Variants in COL5A2 observed in about 807,000 individuals in gnomAD.
The protein encoded by COL5A2 is collagen alpha-2(V) chain.
In COL5A2, 23 loss-of-function variants were observed where a neutral mutation model predicts 208.2. That is an observed-to-expected ratio of 0.11 (90% CI 0.08 to 0.16). The LOEUF is 0.16. Among genes scored for constraint, COL5A2 ranks in the 10% least tolerant of loss-of-function variants. COL5A2 has a pLI of 1.00. For missense variants in COL5A2, 1,590 were observed against 1,956.4 expected, an observed-to-expected ratio of 0.81 and a Z score of 3.53; for synonymous variants, 625 against 628.5, an observed-to-expected ratio of 0.99 and a Z score of 0.08.
chr2:189,251,297 A>G, the COL5A2 span, among the ~76,000 whole-genome samples: 1 of 152,152 alleles, frequency 6.6e-6, no homozygotes, highest in African/African-American at 2.4e-5. Context: ...TGGGGGAGGA[A>G]ATGATATTCT....
chr2:189,220,344 C>G (rs1299910901), intron 1 of COL5A2, among the ~76,000 whole-genome samples: 3 of 152,126 alleles, frequency 2.0e-5, no homozygotes, highest in Non-Finnish European at 4.4e-5. Flanking sequence ...GAAAGTCTGT[C>G]ATTTTCCAAA....
chr2:189,208,334 G>T (rs1040901648), intron 1 of COL5A2, among the ~76,000 whole-genome samples: 1 of 152,178 alleles, frequency 6.6e-6, no homozygotes, highest in African/African-American at 2.4e-5. Flanking sequence ...ATACACACTT[G>T]ATTTGAATGA....
upstream of COL5A2, among the ~76,000 whole-genome samples, chr2:189,227,873 T>C (rs1003593669): frequency 1.1e-4 from 17 of 152,066 alleles, no homozygotes; most frequent in African/African-American, 4.1e-4. Context: ...ATACAGGACA[T>C]TTCAAGCAAC....
In COL5A2 at chr2:189,206,056, C is replaced by T. The variant is rs190257202; in HGVS notation, c.-42+19092G>A. Among the ~76,000 whole-genome samples the T allele has an allele frequency of 2.3e-3, 350 of 152,142 alleles. 1 individual carries two copies. Among genetic ancestry groups the T allele is most frequent in the Non-Finnish European group, 4.0e-3 (271 of 68,008 alleles). On this transcript the variant is annotated intron_variant, in intron 1 of 10. Transcript: ENST00000649966. ...ACTAGGTGTGTATATCACATAACAG[C>T]CCAGGAGTAAAGGAGCTAAGTAGGG...
chr2:189,054,030 G>C (rs1685848137), intron 36 of COL5A2, 82 bp from the exon 37 acceptor site: 1 of 1,452,074 alleles, frequency 6.9e-7, no homozygotes, highest in Non-Finnish European at 9.7e-7. Flanking sequence ...TGTAGGAGGA[G>C]ATAGTGGAAA....
chr2:189,327,107 T>A, the COL5A2 span, among the ~76,000 whole-genome samples: 1 of 150,942 alleles, frequency 6.6e-6, no homozygotes, highest in Non-Finnish European at 1.5e-5. Context: ...AAATAAAAAA[T>A]AATGAAAAAA....
the COL5A2 span, among the ~76,000 whole-genome samples, chr2:189,308,367 T>C: frequency 6.6e-6 from 1 of 152,126 alleles, no homozygotes; most frequent in Non-Finnish European, 1.5e-5. Context: ...AAATCCAGCC[T>C]GACTCTCTAA....
At chr2:189,042,662 G>T in intron 49 of COL5A2, 58 bp downstream of exon 49, 1 of 1,491,704 alleles carries the variant, frequency 6.7e-7, no homozygotes, top group Non-Finnish European at 9.3e-7. Context: ...AGCATTAGCA[G>T]TACATCAACA....
At chr2:189,092,450 C>A (rs1233235414) in intron 6 of COL5A2, 30 bp from the exon 7 acceptor site, 2 of 1,352,710 alleles carry the variant, frequency 1.5e-6, no homozygotes, top group East Asian at 2.4e-5. Flanking sequence ...AAATTAGAAC[C>A]CACTGCCAAA....
At chr2:189,352,666 T>A in the COL5A2 span, among the ~76,000 whole-genome samples, 1 of 152,222 alleles carries the variant, frequency 6.6e-6, no homozygotes, top group Non-Finnish European at 1.5e-5. Context: ...GTAAATGTGT[T>A]TAAGTTCTTT....
the COL5A2 span, among the ~76,000 whole-genome samples, chr2:189,252,539 A>G: frequency 1.3e-5 from 2 of 151,882 alleles, no homozygotes; most frequent in Non-Finnish European, 2.9e-5. Context: ...CCATGTTCTC[A>G]CTCACAGGTG....
At chr2:189,051,683 A>G (rs1685792622) in intron 41 of COL5A2, among the ~76,000 whole-genome samples, 1 of 152,240 alleles carries the variant, frequency 6.6e-6, no homozygotes, top group African/African-American at 2.4e-5. Context: ...CAGGGGGAAA[A>G]CTAAATATCA....
chr2:189,215,765 T>C (rs566000725), intron 1 of COL5A2, among the ~76,000 whole-genome samples: 63 of 152,274 alleles, frequency 4.1e-4, no homozygotes, highest in African/African-American at 1.5e-3. Context: ...GTAGTTTCCC[T>C]GTCCAGAATT....
At chr2:189,409,178 A>G in the COL5A2 span, among the ~76,000 whole-genome samples, 1 of 139,326 alleles carries the variant, frequency 7.2e-6, no homozygotes, top group Non-Finnish European at 1.6e-5. Context: ...AAAGCCTGAC[A>G]TTTTATAGAT....
At chr2:189,230,698 T>A in the COL5A2 span, among the ~76,000 whole-genome samples, 1 of 151,834 alleles carries the variant, frequency 6.6e-6, no homozygotes, top group Admixed American at 6.6e-5. Context: ...ATAACTAGTG[T>A]TAGCAAAGAT....
At chr2:189,440,216 A>G in the COL5A2 span, among the ~76,000 whole-genome samples, 1 of 152,186 alleles carries the variant, frequency 6.6e-6, no homozygotes, top group Non-Finnish European at 1.5e-5. Flanking sequence ...CTTTGTGAAT[A>G]TTGTATTTCT....
Position 189,033,940 on chromosome 2 carries a change from T to C in COL5A2, c.*130A>G. On this transcript the variant is annotated 3_prime_UTR_variant, in exon 54 of 54. Coordinates refer to ENST00000374866, the MANE Select transcript of COL5A2 (RefSeq NM_000393.5). ...TAAGGAGGCCAGGCACTTAAGACCA[T>C]ATATACAATGCTGATGCAGGATCAG... 1 of 1,195,108 alleles carries C rather than the reference T, an allele frequency of 8.4e-7. No individual in the cohort carries two copies. The highest frequency in any genetic ancestry group is 1.2e-6 in the Non-Finnish European group (1 of 810,102). The allele number at this position is 1,195,108 out of a possible 1,614,324, so 74.0% of individuals were successfully genotyped here. A position where few individuals can be genotyped will look rare whatever the true frequency, so the allele number is the denominator to read the frequency against.
At chr2:189,438,556 C>G in the COL5A2 span, among the ~76,000 whole-genome samples, 1 of 152,220 alleles carries the variant, frequency 6.6e-6, no homozygotes, top group Non-Finnish European at 1.5e-5. Context: ...AATATGCTAA[C>G]TGAAAGAAGC....
At chr2:189,424,376 GGAA>G in the COL5A2 span, among the ~76,000 whole-genome samples, 11 of 152,218 alleles carry the variant, frequency 7.2e-5, no homozygotes, top group Non-Finnish European at 1.3e-4. Flanking sequence ...AAATTAGTAA[GGAA>G]GAAGTTGTCT....
Sources: gnomAD v4.1 joint callset for allele counts (sites outside exome capture counted in the v4.1 genomes callset) on GRCh38, gnomAD v4.1.1 for gene constraint, MANE v1.5 for transcripts, NCBI Gene and HGNC (gene_info 2026-07-23, HGNC 2026-07-21) for gene names.